Variants in MAMLD1 observed in about 807,000 individuals in gnomAD.
MAMLD1 encodes mastermind-like domain-containing protein 1.
In MAMLD1, 14 loss-of-function variants were observed where a neutral mutation model predicts 45.0. That is an observed-to-expected ratio of 0.31 (90% confidence interval 0.21 to 0.49). The LOEUF is 0.49. MAMLD1 is among the 20% of genes least tolerant of loss of function. The probability of loss-of-function intolerance (pLI) is 0.99; values close to 1 mark genes in which losing one functional copy is unlikely to be tolerated. For synonymous variants in MAMLD1, 254 were observed against 247.8 expected (o/e 1.02, Z -0.24); for missense variants, 543 against 603.6 (o/e 0.90, Z 1.05).
At chrX:150,429,193 TCTTTA>T (rs2034826362) in intron 1 of MAMLD1, among the ~76,000 whole-genome samples, 1 of 110,404 alleles carries the variant, frequency 9.1e-6, no homozygotes, top group African/African-American at 3.3e-5. Context: ...TGCCATTTTA[TCTTTA>T]CTGGGATGTC....
chrX:150,447,072 A>G (rs1305266845), intron 2 of MAMLD1, among the ~76,000 whole-genome samples: 1 of 112,338 alleles, frequency 8.9e-6, no homozygotes, highest in Non-Finnish European at 1.9e-5. Flanking sequence ...CACAGATTCC[A>G]GTGGGGGTTG....
chrX:150,380,949 G>A (rs932060826), intron 1 of MAMLD1, among the ~76,000 whole-genome samples: 1 of 109,961 alleles, frequency 9.1e-6, no homozygotes, highest in South Asian at 3.9e-4. Context: ...CGTTCCTCCT[G>A]TCTCAGCCTT....
rs1468199410 is a variant in MAMLD1 at position 150,455,777 on chromosome X, C to CT, written c.97-6993dup. 7.4e-3 allele frequency among the ~76,000 whole-genome samples: 622 copies of CT among 84,010 alleles called. 8 individuals are homozygous for CT. The highest frequency in any genetic ancestry group is 0.023 in the African/African-American group (594 of 25,937). The allele number at this position is 84,010 out of a possible 115,157, so 73.0% of individuals were successfully genotyped here. A position where few individuals can be genotyped will look rare whatever the true frequency, so the allele number is the denominator to read the frequency against. On this transcript the variant is annotated intron_variant, in intron 2 of 7. Coordinates refer to ENST00000370401, the MANE Select transcript of MAMLD1 (RefSeq NM_005491.5). ...TGCAGAAGGTTTTCTTCTTCTTCTTCTTCTTTTTTTTTTTTTTGTATAATC... is the reference window on the plus strand; with the variant it reads ...TGCAGAAGGTTTTCTTCTTCTTCTTCTTTCTTTTTTTTTTTTTTGTATAATC...
chrX:150,398,357 A>AAGAGGAAGAGGG (rs1569564639), intron 1 of MAMLD1, among the ~76,000 whole-genome samples: 3 of 109,030 alleles, frequency 2.8e-5, no homozygotes, highest in African/African-American at 1.0e-4. Flanking sequence ...GAGGAAGAGG[A>AAGAGGAAGAGGG]AGAGGAAGAG....
At chrX:150,460,567 A>T (rs2036003609) in intron 2 of MAMLD1, among the ~76,000 whole-genome samples, 1 of 111,714 alleles carries the variant, frequency 9.0e-6, no homozygotes, top group African/African-American at 3.3e-5. Context: ...CATGGGTCAG[A>T]TCATAAGGGG....
chrX:150,409,101 G>C (rs1259390907), intron 1 of MAMLD1, among the ~76,000 whole-genome samples: 1 of 111,591 alleles, frequency 9.0e-6, no homozygotes, highest in Non-Finnish European at 1.9e-5. Flanking sequence ...CTCTGGCCTT[G>C]AGTTGTTCCA....
intron 2 of MAMLD1, among the ~76,000 whole-genome samples, chrX:150,455,071 CACATACAG>C (rs375382548): frequency 0.072 from 825 of 11,419 alleles, 11 homozygotes; most frequent in African/African-American, 0.11. Flanking sequence ...TCCACATACA[CACATACAG>C]TGAAATAAGT....
chrX:150,429,523 C>T (rs2034843632), intron 1 of MAMLD1, among the ~76,000 whole-genome samples: 1 of 110,891 alleles, frequency 9.0e-6, no homozygotes, highest in Non-Finnish European at 1.9e-5. Flanking sequence ...TAGTTTTCCC[C>T]AGTGGTTACA....
At chrX:150,505,558 C>T (rs1309088020) in intron 6 of MAMLD1, among the ~76,000 whole-genome samples, 1 of 111,563 alleles carries the variant, frequency 9.0e-6, no homozygotes, top group Non-Finnish European at 1.9e-5. Context: ...GGTTCAGGGG[C>T]CCCAGAGTTA....
intron 5 of MAMLD1, among the ~76,000 whole-genome samples, chrX:150,497,735 C>T (rs1557408360): frequency 1.8e-5 from 2 of 111,808 alleles, no homozygotes; most frequent in East Asian, 2.8e-4. Flanking sequence ...GCCAGCTCTG[C>T]GGCCATTGCA....
At chrX:150,467,072 A>G (rs1264297306) in intron 3 of MAMLD1, among the ~76,000 whole-genome samples, 2 of 104,786 alleles carry the variant, frequency 1.9e-5, no homozygotes, top group East Asian at 5.9e-4. Flanking sequence ...TCGAGACATC[A>G]TGGACAGCAC....
intron 5 of MAMLD1, among the ~76,000 whole-genome samples, chrX:150,497,473 C>T (rs782594458): frequency 6.5e-5 from 7 of 108,449 alleles, no homozygotes; most frequent in Admixed American, 2.0e-4. Context: ...TTAGTAGAGA[C>T]GGGGTTTCAC....
At chrX:150,400,404 C>G (rs1387222301) in intron 1 of MAMLD1, among the ~76,000 whole-genome samples, 1 of 111,936 alleles carries the variant, frequency 8.9e-6, no homozygotes, top group Non-Finnish European at 1.9e-5. Flanking sequence ...CGTCTGCAAA[C>G]AGGGACAATT....
Position 150,470,302 on chromosome X carries a change from C to T in MAMLD1, c.729C>T (p.Cys243=). The T allele has an allele frequency of 1.7e-6, 2 of 1,208,281 alleles. No individual in the cohort carries two copies. Among genetic ancestry groups the T allele is most frequent in the Non-Finnish European group, 2.2e-6 (2 of 893,162 alleles). Reference sequence around the variant, plus strand: ...CCAGCAAGGAGTTTGCTTCTAGTTGCAGCCAAGTTACTGGCATGTCACTTC... The same window carrying T: ...CCAGCAAGGAGTTTGCTTCTAGTTGTAGCCAAGTTACTGGCATGTCACTTC... ...LASSKEFASS[C]SQVTGMSLQI... Residue 243 remains cysteine (C), a synonymous_variant, in exon 4 of 8, where the codon TGC becomes TGT. Coordinates refer to ENST00000370401, the MANE Select transcript of MAMLD1 (RefSeq NM_005491.5).
rs188301981 is a variant in MAMLD1 at position 150,509,855 on chromosome X, G to A, written c.2285-107G>A. 94 of 604,654 alleles carry A rather than the reference G, an allele frequency of 1.6e-4. No homozygotes were observed. The African/African-American group carries it at 2.0e-3, about 13-fold the overall frequency. The allele number at this position is 604,654 out of a possible 1,213,427, so 49.8% of individuals were successfully genotyped here. A position where few individuals can be genotyped will look rare whatever the true frequency, so the allele number is the denominator to read the frequency against. On this transcript the variant is annotated intron_variant, in intron 6 of 7. Coordinates refer to ENST00000370401, the MANE Select transcript of MAMLD1 (RefSeq NM_005491.5). ...AGTGTATGCTGGTGTGTTTATTCATGCTTTCTGCTGCACCAAAGCCAAGTC... is the reference window on the plus strand; with the variant it reads ...AGTGTATGCTGGTGTGTTTATTCATACTTTCTGCTGCACCAAAGCCAAGTC...
intron 1 of MAMLD1, among the ~76,000 whole-genome samples, chrX:150,423,970 T>A (rs2034615901): frequency 8.9e-6 from 1 of 112,579 alleles, no homozygotes; most frequent in Non-Finnish European, 1.9e-5. Context: ...GGACTCACAT[T>A]ACTTTGAAGG....
chrX:150,410,463 AG>A (rs1222209752), intron 1 of MAMLD1, among the ~76,000 whole-genome samples: 25 of 111,517 alleles, frequency 2.2e-4, no homozygotes, highest in African/African-American at 7.5e-4. Flanking sequence ...CCTATTTTGG[AG>A]GGGAGAGACA....
At chrX:150,403,091 G>A (rs1246793350) in intron 1 of MAMLD1, among the ~76,000 whole-genome samples, 1 of 110,913 alleles carries the variant, frequency 9.0e-6, no homozygotes, top group Non-Finnish European at 1.9e-5. Context: ...AAAAGTCATT[G>A]TGGTCCATAC....
chrX:150,512,204 A>G lies in MAMLD1; in HGVS notation c.*245A>G. The stretch of plus-strand genomic sequence containing the variant: ...GAAGCGGCAAGGAATTTTCACCTCC[A>G]GCCCCCAGTGTCCCATCCTCTCACA... On this transcript the variant is annotated 3_prime_UTR_variant, in exon 8 of 8. Coordinates refer to ENST00000370401, the MANE Select transcript of MAMLD1 (RefSeq NM_005491.5). 2 of 1,130,897 alleles carry G rather than the reference A, an allele frequency of 1.8e-6. No homozygotes were observed. The highest frequency in any genetic ancestry group is 2.3e-6 in the Non-Finnish European group (2 of 858,835). The allele number at this position is 1,130,897 out of a possible 1,213,427, so 93.2% of individuals were successfully genotyped here.
Sources: allele counts gnomAD v4.1 joint callset (sites outside exome capture counted in the v4.1 genomes callset), GRCh38; gene constraint gnomAD v4.1.1; transcripts MANE v1.5; gene names NCBI Gene and HGNC (gene_info 2026-07-23, HGNC 2026-07-21).